The following DOK5 variants were observed in gnomAD, a reference collection of about 807,000 sequenced individuals.
DOK5 encodes the protein docking protein 5, also known as downstream of tyrosine kinase 5.
A neutral mutation model predicts 43.3 loss-of-function variants in DOK5; 27 were observed. The ratio of observed to expected loss-of-function variants is 0.62; its 90% CI spans 0.46 to 0.86. The LOEUF (loss-of-function observed/expected upper bound fraction) is 0.86, where lower values mean the gene tolerates loss of function less well. Ranked by LOEUF, DOK5 falls within the 40% of genes least tolerant of loss-of-function variation. The pLI is 0.00. For synonymous variants in DOK5, 146 were observed against 140.1 expected (o/e 1.04, Z -0.30); for missense variants, 373 against 392.9 (o/e 0.95, Z 0.43).
At chr20:54,571,349 T>C (rs1985275215) in intron 2 of DOK5, among the ~76,000 whole-genome samples, 4 of 152,054 alleles carry the variant, frequency 2.6e-5, no homozygotes, top group Admixed American at 2.6e-4. Context: ...AAGGTCAACA[T>C]GTGTGGCCAA....
chr20:54,564,778 C>T (rs6014059), intron 2 of DOK5, among the ~76,000 whole-genome samples: 13,309 of 152,244 alleles, frequency 0.087, 680 homozygotes, highest in African/African-American at 0.14. Context: ...AGTTTCAAAG[C>T]TGTGCCTCTG....
At chr20:54,621,061 C>T (rs1192084275) in intron 6 of DOK5, among the ~76,000 whole-genome samples, 2 of 152,096 alleles carry the variant, frequency 1.3e-5, no homozygotes, top group African/African-American at 4.8e-5. Flanking sequence ...ATCATATCAA[C>T]GTGTGTAAAG....
At chr20:54,647,131 C>T (rs1412320295) in intron 7 of DOK5, among the ~76,000 whole-genome samples, 1 of 152,178 alleles carries the variant, frequency 6.6e-6, no homozygotes, top group Non-Finnish European at 1.5e-5. Flanking sequence ...TTCACTGCTT[C>T]TCCCACGTCG....
intron 7 of DOK5, among the ~76,000 whole-genome samples, chr20:54,644,995 CTCTT>C (rs1979330294): frequency 8.5e-6 from 1 of 117,228 alleles, no homozygotes; most frequent in Non-Finnish European, 1.8e-5. Context: ...TGTAAAAAAA[CTCTT>C]TTTTTTTTTT....
intron 7 of DOK5, among the ~76,000 whole-genome samples, chr20:54,645,954 A>AAAAAAAAAAAAAAC (rs1979399451): frequency 9.8e-6 from 1 of 101,900 alleles, no homozygotes; most frequent in Non-Finnish European, 2.0e-5. Flanking sequence ...AAAAAAAAAA[A>AAAAAAAAAAAAAAC]AAGATACTGA....
rs1215472743 is a variant in DOK5, at chr20:54,610,164, C to T, written c.600-224C>T. Among the ~76,000 whole-genome samples, 4 of 152,178 alleles carry T rather than the reference C, an allele frequency of 2.6e-5. No homozygotes were observed. In the East Asian group the frequency reaches 5.8e-4, roughly 22 times the overall value. On this transcript the variant is annotated intron_variant, in intron 5 of 7. Transcript: ENST00000262593. ...ATTTCTGTTTTACTTTGTGATAAAACCATTCAGCACAGGTTAGCCTGGAGT... is the reference window on the plus strand; with the variant it reads ...ATTTCTGTTTTACTTTGTGATAAAATCATTCAGCACAGGTTAGCCTGGAGT...
intron 6 of DOK5, among the ~76,000 whole-genome samples, chr20:54,619,756 A>C (rs1986925455): frequency 6.6e-6 from 1 of 152,236 alleles, no homozygotes; most frequent in South Asian, 2.1e-4. Context: ...TGTAGAATTC[A>C]AGTGGCATTC....
chr20:54,608,493 A>C (rs368888432), intron 5 of DOK5, among the ~76,000 whole-genome samples: 2 of 152,162 alleles, frequency 1.3e-5, no homozygotes, highest in African/African-American at 4.8e-5. Context: ...GTATTTTAAG[A>C]TGTCTTCAGG....
chr20:54,479,618 ACTCGG>A (rs1261224730), intron 1 of DOK5, among the ~76,000 whole-genome samples: 1 of 152,054 alleles, frequency 6.6e-6, no homozygotes, highest in East Asian at 1.9e-4. Flanking sequence ...CAGAACGGAA[ACTCGG>A]GTTTATTTAT....
At chr20:54,517,209 G>C (rs1365453161) in intron 1 of DOK5, among the ~76,000 whole-genome samples, 1 of 152,144 alleles carries the variant, frequency 6.6e-6, no homozygotes, top group Non-Finnish European at 1.5e-5. Flanking sequence ...CTCTTGCCAA[G>C]ATTTATCAGC....
intron 1 of DOK5, among the ~76,000 whole-genome samples, chr20:54,546,437 T>G (rs1300924020): frequency 1.3e-5 from 2 of 152,134 alleles, no homozygotes; most frequent in Admixed American, 6.6e-5. Context: ...CTAGGGTACA[T>G]GTGCACAACG....
At chr20:54,509,080 T>G (rs1380233333) in intron 1 of DOK5, among the ~76,000 whole-genome samples, 1 of 152,220 alleles carries the variant, frequency 6.6e-6, no homozygotes, top group Non-Finnish European at 1.5e-5. Flanking sequence ...TTTGCCATGT[T>G]GGCCAGGCCG....
intron 1 of DOK5, among the ~76,000 whole-genome samples, chr20:54,495,885 GA>G (rs200199309): frequency 0.022 from 3,340 of 149,884 alleles, 104 homozygotes; most frequent in African/African-American, 0.072. Context: ...CCATCTCAAA[GA>G]AAAAAAAAAT....
At chr20:54,587,627 G>A (rs907416064) in intron 2 of DOK5, among the ~76,000 whole-genome samples, 2 of 152,106 alleles carry the variant, frequency 1.3e-5, no homozygotes, top group East Asian at 1.9e-4. Context: ...CTGAGGATGC[G>A]GATGTAACTG....
chr20:54,557,611 C>A (rs781565139), intron 2 of DOK5, among the ~76,000 whole-genome samples: 1 of 152,230 alleles, frequency 6.6e-6, no homozygotes. Context: ...CCTTCCTCTT[C>A]TCCAGGTGCC....
chr20:54,589,146 G>A (rs765469758), intron 4 of DOK5, among the ~76,000 whole-genome samples: 5 of 152,090 alleles, frequency 3.3e-5, no homozygotes, highest in African/African-American at 7.2e-5. Flanking sequence ...TACTTCCTAC[G>A]TTTTGCAGAT....
intron 1 of DOK5, among the ~76,000 whole-genome samples, chr20:54,541,505 C>T (rs1226473222): frequency 1.3e-5 from 2 of 152,016 alleles, no homozygotes; most frequent in Non-Finnish European, 2.9e-5. Context: ...GTGCAATCTC[C>T]GTTCACTGCA....
chr20:54,488,270 G>C (rs1311213821), intron 1 of DOK5, among the ~76,000 whole-genome samples: 2 of 152,160 alleles, frequency 1.3e-5, no homozygotes, highest in African/African-American at 4.8e-5. Context: ...CCTTCCCAGA[G>C]AGTTTGTCCT....
intron 1 of DOK5, among the ~76,000 whole-genome samples, chr20:54,505,366 G>C (rs753441417): frequency 2.6e-5 from 4 of 152,072 alleles, no homozygotes; most frequent in Non-Finnish European, 4.4e-5. Context: ...TTGTGGCAGA[G>C]ACCCTGTGGC....
Sources: allele counts gnomAD v4.1 joint callset (sites outside exome capture counted in the v4.1 genomes callset), GRCh38; gene constraint gnomAD v4.1.1; transcripts MANE v1.5; gene names NCBI Gene and HGNC (gene_info 2026-07-23, HGNC 2026-07-21).